SHISA6: variants seen among roughly 807,000 people sequenced by gnomAD.
SHISA6 encodes shisa family member 6, also known as protein shisa-6.
Under a neutral mutation model 47.9 loss-of-function variants are expected in SHISA6, and 22 were observed. The observed-to-expected ratio is 0.46, with a 90% confidence interval of 0.33 to 0.66. SHISA6 has a LOEUF of 0.66. Ranked by LOEUF, SHISA6 falls within the 30% of genes least tolerant of loss-of-function variation. The pLI, the probability that SHISA6 is intolerant of heterozygous loss-of-function variation, is 0.02. For synonymous variants in SHISA6, 388 were observed against 337.8 expected (o/e 1.15, Z -1.63); for missense variants, 680 against 764.6 (o/e 0.89, Z 1.30).
chr17:11,376,325 G>T (rs1297717434), intron 2 of SHISA6, among the ~76,000 whole-genome samples: 18 of 130,962 alleles, frequency 1.4e-4, no homozygotes, highest in Admixed American at 3.1e-4. Context: ...TTTTTTGTTT[G>T]TTTTTTTTTT....
intron 3 of SHISA6, among the ~76,000 whole-genome samples, chr17:11,426,245 A>G (rs1241555143): frequency 6.6e-6 from 1 of 152,270 alleles, no homozygotes; most frequent in African/African-American, 2.4e-5. Context: ...CATTCTAAGC[A>G]TAGAAAGGGG....
At chr17:11,345,351 A>T (rs1408612569) in intron 2 of SHISA6, among the ~76,000 whole-genome samples, 1 of 152,056 alleles carries the variant, frequency 6.6e-6, no homozygotes, top group Non-Finnish European at 1.5e-5. Context: ...CTACTTTTAG[A>T]TCTGTCTTTG....
intron 2 of SHISA6, among the ~76,000 whole-genome samples, chr17:11,332,850 A>C (rs762207433): frequency 3.3e-5 from 5 of 152,000 alleles, no homozygotes; most frequent in Non-Finnish European, 4.4e-5. Context: ...GTGATATTCC[A>C]CTGGAAGCCT....
intron 3 of SHISA6, among the ~76,000 whole-genome samples, chr17:11,498,306 C>T (rs1475490438): frequency 6.6e-6 from 1 of 152,200 alleles, no homozygotes; most frequent in African/African-American, 2.4e-5. Context: ...TTGGACACAT[C>T]CATATCCTAC....
chr17:11,538,604 C>T (rs1460617001), intron 3 of SHISA6, among the ~76,000 whole-genome samples: 1 of 152,168 alleles, frequency 6.6e-6, no homozygotes, highest in Non-Finnish European at 1.5e-5. Flanking sequence ...GGCCAGTTTC[C>T]AGCAGTCACC....
At chr17:11,520,003 C>G (rs1157351363) in intron 3 of SHISA6, among the ~76,000 whole-genome samples, 1 of 152,066 alleles carries the variant, frequency 6.6e-6, no homozygotes, top group African/African-American at 2.4e-5. Flanking sequence ...CTCTCCTAGA[C>G]CTTTTCTCTC....
intron 3 of SHISA6, among the ~76,000 whole-genome samples, chr17:11,439,898 G>A (rs77760304): frequency 0.013 from 1,996 of 152,248 alleles, 44 homozygotes; most frequent in African/African-American, 0.045. Context: ...ATTAAGAAGA[G>A]AGGACATTCA....
chr17:11,520,210 T>C (rs1403701901), intron 3 of SHISA6, among the ~76,000 whole-genome samples: 1 of 152,202 alleles, frequency 6.6e-6, no homozygotes, highest in African/African-American at 2.4e-5. Context: ...CTTAATGTGT[T>C]CAAAATGGAA....
chr17:11,350,293 C>T (rs1256897894), intron 2 of SHISA6, among the ~76,000 whole-genome samples: 1 of 39,318 alleles, frequency 2.5e-5, no homozygotes, highest in Non-Finnish European at 5.8e-5. Context: ...CATTCTCCTG[C>T]CTCAGCCTCC....
intron 3 of SHISA6, among the ~76,000 whole-genome samples, chr17:11,488,128 C>A (rs1262408218): frequency 1.3e-5 from 2 of 152,124 alleles, no homozygotes; most frequent in Non-Finnish European, 2.9e-5. Context: ...TGTCCAAGGC[C>A]AGCCCTGTGA....
rs551236373 is a variant in SHISA6, at chr17:11,255,747, C to T, written c.639-7619C>T. Among the ~76,000 whole-genome samples, 8 of 152,334 alleles carry T rather than the reference C, an allele frequency of 5.3e-5. No homozygotes were observed. In the South Asian group the frequency reaches 1.7e-3, roughly 32 times the overall value. On this transcript the variant is annotated intron_variant, in intron 1 of 5. Coordinates refer to ENST00000441885, the MANE Select transcript of SHISA6 (RefSeq NM_207386.4). ...GCTGTGCTGTGTGGCTCCCCCACCA[C>T]ACCAAGAGTGTTGCCAGTTTGGCAT...
intron 3 of SHISA6, among the ~76,000 whole-genome samples, chr17:11,407,578 T>C (rs566762127): frequency 1.5e-4 from 23 of 152,182 alleles, no homozygotes; most frequent in Admixed American, 1.2e-3. Flanking sequence ...GGACTTTCAA[T>C]AGCTAACTTA....
intron 2 of SHISA6, among the ~76,000 whole-genome samples, chr17:11,353,318 G>C (rs907041339): frequency 4.6e-5 from 7 of 152,016 alleles, no homozygotes; most frequent in Admixed American, 4.6e-4. Context: ...TTAGCTGGGT[G>C]TGGTGGTGCG....
intron 2 of SHISA6, among the ~76,000 whole-genome samples, chr17:11,327,975 C>A (rs1910962958): frequency 6.6e-6 from 1 of 152,138 alleles, no homozygotes. Flanking sequence ...GATACACACA[C>A]ACAGTTTTGT....
intron 5 of SHISA6, among the ~76,000 whole-genome samples, chr17:11,556,467 A>C (rs2071981482): frequency 6.6e-6 from 1 of 152,066 alleles, no homozygotes; most frequent in African/African-American, 2.4e-5. Flanking sequence ...AAGATACAAA[A>C]ATGTCAAAAA....
chr17:11,346,005 G>A (rs1207649041), intron 2 of SHISA6, among the ~76,000 whole-genome samples: 6 of 152,078 alleles, frequency 3.9e-5, no homozygotes, highest in Admixed American at 3.9e-4. Flanking sequence ...TAAAAGTTGT[G>A]AGCGAACATA....
intron 3 of SHISA6, among the ~76,000 whole-genome samples, chr17:11,535,523 A>G (rs2071779164): frequency 6.6e-6 from 1 of 152,184 alleles, no homozygotes. Flanking sequence ...GGGTGAGTGT[A>G]AGAACAGATT....
At chr17:11,530,847 T>C (rs930663445) in intron 3 of SHISA6, among the ~76,000 whole-genome samples, 8 of 152,228 alleles carry the variant, frequency 5.3e-5, no homozygotes, top group African/African-American at 1.9e-4. Context: ...ACCTCTGTAA[T>C]GATGGCCGAC....
At chr17:11,486,114 CAGCT>C (rs1916342088) in intron 3 of SHISA6, among the ~76,000 whole-genome samples, 1 of 152,182 alleles carries the variant, frequency 6.6e-6, no homozygotes, top group African/African-American at 2.4e-5. Flanking sequence ...GCCTCTGCCG[CAGCT>C]CACTGTGATT....
Sources: gnomAD v4.1 joint callset for allele counts (sites outside exome capture counted in the v4.1 genomes callset) on GRCh38, gnomAD v4.1.1 for gene constraint, MANE v1.5 for transcripts, NCBI Gene and HGNC (gene_info 2026-07-23, HGNC 2026-07-21) for gene names.